ARHGAP15: variants seen among roughly 807,000 people sequenced by gnomAD.
ARHGAP15 encodes the protein Rho GTPase activating protein 15, also known as rho GTPase-activating protein 15.
In ARHGAP15, 51 loss-of-function variants were observed where a neutral mutation model predicts 63.7. The ratio of observed to expected loss-of-function variants is 0.80; its 90% confidence interval spans 0.64 to 1.01. The LOEUF (loss-of-function observed/expected upper bound fraction) is 1.01. Among genes scored for constraint, ARHGAP15 ranks in the 50% least tolerant of loss-of-function variants. The probability of loss-of-function intolerance (pLI) is 0.00; values close to 1 mark genes in which losing one functional copy is unlikely to be tolerated. For missense variants in ARHGAP15, 560 were observed against 564.6 expected, an observed-to-expected ratio of 0.99 and a Z score of 0.08; for synonymous variants, 191 against 193.8, an observed-to-expected ratio of 0.99 and a Z score of 0.12.
intron 6 of ARHGAP15, among the ~76,000 whole-genome samples, chr2:143,263,301 G>A (rs1680822337): frequency 6.6e-6 from 1 of 152,140 alleles, no homozygotes; most frequent in Non-Finnish European, 1.5e-5. Context: ...ATCTGGAATG[G>A]TAGGGCAGGC....
At chr2:143,399,263 C>CT (rs376708875) in intron 6 of ARHGAP15, among the ~76,000 whole-genome samples, 4,329 of 148,004 alleles carry the variant, frequency 0.029, 183 homozygotes, top group African/African-American at 0.096. Context: ...ACAATTATTA[C>CT]TTTTTTTTTT....
intron 6 of ARHGAP15, among the ~76,000 whole-genome samples, chr2:143,284,671 C>G (rs779392575): frequency 3.0e-4 from 45 of 152,158 alleles, no homozygotes; most frequent in South Asian, 6.2e-4. Flanking sequence ...AAACTAATTT[C>G]ATCAGTGAGA....
chr2:143,171,644 GA>G (rs1362216925), intron 2 of ARHGAP15, among the ~76,000 whole-genome samples: 1 of 152,008 alleles, frequency 6.6e-6, no homozygotes, highest in East Asian at 1.9e-4. Flanking sequence ...TCTTGTTGAT[GA>G]AAAATTTGAT....
At chr2:143,320,403 T>TCCCCCCCCGCCCCCCCCCCGCCCCCCCC (rs200994141) in intron 6 of ARHGAP15, among the ~76,000 whole-genome samples, 1 of 9,008 alleles carries the variant, frequency 1.1e-4, no homozygotes. Context: ...AATCAGGACT[T>TCCCCCCCCGCCCCCCCCCCGCCCCCCCC]CCCCACCCCC....
At chr2:143,725,848 A>G (rs1685248779) in intron 13 of ARHGAP15, among the ~76,000 whole-genome samples, 1 of 152,224 alleles carries the variant, frequency 6.6e-6, no homozygotes, top group African/African-American at 2.4e-5. Flanking sequence ...CGATGAGGAA[A>G]TGGGACCAAA....
chr2:143,471,732 G>C (rs1260498870), intron 8 of ARHGAP15, among the ~76,000 whole-genome samples: 2 of 152,136 alleles, frequency 1.3e-5, no homozygotes, highest in Non-Finnish European at 2.9e-5. Context: ...GCTCAAGAAA[G>C]AGCAGGAAGA....
At chr2:143,161,851 G>C (rs1483615992) in intron 2 of ARHGAP15, among the ~76,000 whole-genome samples, 2 of 151,900 alleles carry the variant, frequency 1.3e-5, no homozygotes, top group Non-Finnish European at 2.9e-5. Context: ...ATGGTGTTGA[G>C]ATTGTGGTGC....
At chr2:143,148,284 G>C (rs959543395) in intron 1 of ARHGAP15, among the ~76,000 whole-genome samples, 2 of 151,970 alleles carry the variant, frequency 1.3e-5, no homozygotes, top group Non-Finnish European at 2.9e-5. Context: ...ACTCTAATCA[G>C]ACTTCATGGT....
intron 6 of ARHGAP15, among the ~76,000 whole-genome samples, chr2:143,355,133 C>T (rs1003343380): frequency 6.6e-6 from 1 of 152,042 alleles, no homozygotes; most frequent in Non-Finnish European, 1.5e-5. Flanking sequence ...AATAAACTAG[C>T]AATAAATGTG....
At chr2:143,370,353 TG>T (rs754238663) in intron 6 of ARHGAP15, among the ~76,000 whole-genome samples, 19 of 135,696 alleles carry the variant, frequency 1.4e-4, no homozygotes, top group Non-Finnish European at 2.4e-4. Flanking sequence ...TGTTGTGGGG[TG>T]GGGGAAGGGG....
intron 8 of ARHGAP15, among the ~76,000 whole-genome samples, chr2:143,450,394 A>G (rs981105027): frequency 6.6e-6 from 1 of 151,926 alleles, no homozygotes; most frequent in Admixed American, 6.6e-5. Flanking sequence ...TTACAATTAC[A>G]TAAAAGTGAT....
intron 12 of ARHGAP15, among the ~76,000 whole-genome samples, chr2:143,680,093 A>C (rs1242489445): frequency 6.6e-6 from 1 of 151,734 alleles, no homozygotes; most frequent in Non-Finnish European, 1.5e-5. Flanking sequence ...GCCATGGAGG[A>C]ATAGTTAAAT....
chr2:143,213,480 T>C (rs1297385056), intron 3 of ARHGAP15, among the ~76,000 whole-genome samples: 1 of 151,872 alleles, frequency 6.6e-6, no homozygotes, highest in African/African-American at 2.4e-5. Context: ...GCCATTGCAC[T>C]CCAGCCCACG....
intron 6 of ARHGAP15, among the ~76,000 whole-genome samples, chr2:143,286,452 C>T (rs1311386469): frequency 2.0e-5 from 3 of 152,172 alleles, no homozygotes; most frequent in Admixed American, 6.5e-5. Flanking sequence ...TAATTTGACT[C>T]TCTTGAAATC....
intron 5 of ARHGAP15, among the ~76,000 whole-genome samples, chr2:143,240,457 T>C (rs1650396623): frequency 1.3e-5 from 2 of 152,152 alleles, no homozygotes; most frequent in Non-Finnish European, 2.9e-5. Flanking sequence ...TTTATCTTTG[T>C]AGAGTGAGTA....
intron 13 of ARHGAP15, among the ~76,000 whole-genome samples, chr2:143,732,674 G>A (rs1341178552): frequency 6.6e-6 from 1 of 151,186 alleles, no homozygotes; most frequent in Non-Finnish European, 1.5e-5. Context: ...AATCAGAAGT[G>A]TTTAAAGGCC....
Position 143,556,498 on chromosome 2 carries a change from C to T in ARHGAP15, c.1003+13C>T. ...ATTGTCAACCAAGGTAAGTGATTTC[C>T]ACTTCAGAGATTTTTTCAAACAGTT... is the stretch of plus-strand genomic sequence containing the variant. On this transcript the variant is annotated intron_variant, in intron 11 of 13. Transcript: ENST00000295095. 1 of 1,604,358 alleles carries T rather than the reference C, an allele frequency of 6.2e-7. No homozygotes were observed. The highest frequency in any genetic ancestry group is 1.1e-5 in the South Asian group (1 of 90,596).
intron 8 of ARHGAP15, among the ~76,000 whole-genome samples, chr2:143,445,449 C>A (rs1690094153): frequency 6.6e-6 from 1 of 152,118 alleles, no homozygotes; most frequent in African/African-American, 2.4e-5. Context: ...GCGTGAGCCG[C>A]TGCACCCAGC....
chr2:143,287,087 G>GA (rs1268412605), intron 6 of ARHGAP15, among the ~76,000 whole-genome samples: 6 of 152,050 alleles, frequency 3.9e-5, no homozygotes, highest in African/African-American at 1.2e-4. Flanking sequence ...TTTGAGAGTG[G>GA]AATACTCAAT....
Sources: gnomAD v4.1 joint callset for allele counts (sites outside exome capture counted in the v4.1 genomes callset) on GRCh38, gnomAD v4.1.1 for gene constraint, MANE v1.5 for transcripts, NCBI Gene and HGNC (gene_info 2026-07-23, HGNC 2026-07-21) for gene names.